The following CSMD1 variants were observed in gnomAD, a reference collection of about 807,000 sequenced individuals.
CSMD1 encodes the protein CUB and sushi domain-containing protein 1.
A neutral mutation model predicts 417.5 loss-of-function variants in CSMD1; 213 were observed. The ratio of observed to expected loss-of-function variants is 0.51; its 90% CI spans 0.46 to 0.57. The LOEUF (loss-of-function observed/expected upper bound fraction) is 0.57. Among genes scored for constraint, CSMD1 ranks in the 20% least tolerant of loss-of-function variants. CSMD1 has a pLI of 0.00. For synonymous variants in CSMD1, 2,862 were observed against 1,736.8 expected (o/e 1.65, Z -16.11); for missense variants, 6,923 against 4,529.7 (o/e 1.53, Z -15.17).
intron 12 of CSMD1, among the ~76,000 whole-genome samples, chr8:3,425,020 G>T (rs913638383): frequency 7.9e-5 from 12 of 151,950 alleles, no homozygotes; most frequent in African/African-American, 2.4e-4. Flanking sequence ...TTTTACTTTT[G>T]TAGAGACAGG....
At chr8:3,015,600 G>C (rs896346666) in intron 52 of CSMD1, among the ~76,000 whole-genome samples, 2 of 151,940 alleles carry the variant, frequency 1.3e-5, no homozygotes. Flanking sequence ...GGCGTCTTGT[G>C]AAATTATATA....
At chr8:3,291,097 C>T (rs564094979) in intron 25 of CSMD1, among the ~76,000 whole-genome samples, 16 of 152,168 alleles carry the variant, frequency 1.1e-4, no homozygotes, top group East Asian at 1.9e-4. Flanking sequence ...TGGTTTTTGT[C>T]GTTGGTTCTG....
At chr8:4,180,778 C>A (rs912814238) in intron 3 of CSMD1, among the ~76,000 whole-genome samples, 18 of 152,212 alleles carry the variant, frequency 1.2e-4, no homozygotes, top group Middle Eastern at 3.4e-3. Context: ...TTGTGTTAAT[C>A]TAATATCTGT....
chr8:4,928,609 G>T (rs941063757), intron 1 of CSMD1, among the ~76,000 whole-genome samples: 1 of 152,122 alleles, frequency 6.6e-6, no homozygotes, highest in African/African-American at 2.4e-5. Flanking sequence ...CCACAAACGC[G>T]CTGAGAAGTA....
chr8:3,139,421 G>T (rs145804586), intron 41 of CSMD1, among the ~76,000 whole-genome samples: 1 of 152,176 alleles, frequency 6.6e-6, no homozygotes, highest in Non-Finnish European at 1.5e-5. Flanking sequence ...CAAGGGAAAA[G>T]GGCGTCAAGA....
chr8:3,179,002 C>T (rs919275088), intron 37 of CSMD1, among the ~76,000 whole-genome samples: 9 of 148,324 alleles, frequency 6.1e-5, no homozygotes, highest in Middle Eastern at 3.7e-3. Flanking sequence ...GGCTGGAGTG[C>T]AGTGGCGCGA....
chr8:3,936,621 C>A (rs746836923), intron 5 of CSMD1, among the ~76,000 whole-genome samples: 9 of 152,248 alleles, frequency 5.9e-5, no homozygotes, highest in Non-Finnish European at 1.3e-4. Flanking sequence ...ACTGTTGAGA[C>A]GTACTGCTCA....
chr8:3,909,945 G>A lies in CSMD1; in HGVS notation c.818+87958C>T, dbSNP rs760106318. Among the ~76,000 whole-genome samples the A allele has an allele frequency of 2.2e-4, 34 of 152,194 alleles. No individual in the cohort carries two copies. In the Middle Eastern group the frequency reaches 0.014, roughly 61 times the overall value. Reference sequence around the variant, plus strand: ...TCTAATTAGACAAGGAAGAAAAAATGGCTTTTTGACTGATATGCAGACAAC... The same window carrying A: ...TCTAATTAGACAAGGAAGAAAAAATAGCTTTTTGACTGATATGCAGACAAC... On this transcript the variant is annotated intron_variant, in intron 5 of 69. Coordinates refer to ENST00000635120, the MANE Select transcript of CSMD1 (RefSeq NM_033225.6).
At chr8:3,907,026 G>A (rs975738717) in intron 5 of CSMD1, among the ~76,000 whole-genome samples, 3 of 152,110 alleles carry the variant, frequency 2.0e-5, no homozygotes, top group Non-Finnish European at 2.9e-5. Flanking sequence ...TCATAGATGA[G>A]AAAAATGGCT....
intron 2 of CSMD1, among the ~76,000 whole-genome samples, chr8:4,453,001 G>A (rs1467749060): frequency 1.3e-5 from 2 of 152,094 alleles, no homozygotes; most frequent in Non-Finnish European, 1.5e-5. Flanking sequence ...GTTTCCCACA[G>A]TCCTCTGAAG....
intron 12 of CSMD1, among the ~76,000 whole-genome samples, chr8:3,431,652 G>A (rs577820086): frequency 6.6e-6 from 1 of 152,068 alleles, no homozygotes; most frequent in Admixed American, 6.6e-5. Flanking sequence ...GTTTATTAAT[G>A]TTCTCCCTTC....
intron 1 of CSMD1, among the ~76,000 whole-genome samples, chr8:4,728,568 T>G (rs1386121983): frequency 2.6e-5 from 4 of 152,186 alleles, no homozygotes; most frequent in Admixed American, 2.6e-4. Context: ...CATGTCTTTA[T>G]TCAGCTCTGT....
chr8:3,510,249 C>T (rs148299381), intron 10 of CSMD1, among the ~76,000 whole-genome samples: 20 of 151,894 alleles, frequency 1.3e-4, no homozygotes, highest in African/African-American at 4.1e-4. Context: ...CTGCCTTCTG[C>T]GCCGCGTCCC....
At position 4,682,773 on chromosome 8, in the gene CSMD1, A is replaced by C. The variant is rs1408874824; in HGVS notation, c.86-45215T>G. Among the ~76,000 whole-genome samples the C allele has an allele frequency of 6.6e-5, 10 of 151,534 alleles. No individual in the cohort carries two copies. The South Asian group carries it at 2.1e-3, about 32-fold the overall frequency. ...CTTGAAAAAATAGTTTAAATCCTTC[A>C]GTAAGTATATACGAAGCAACATTAT... On this transcript the variant is annotated intron_variant, in intron 1 of 69. Transcript: ENST00000635120.
At chr8:3,161,252 A>G (rs1299418478) in intron 38 of CSMD1, among the ~76,000 whole-genome samples, 2 of 152,186 alleles carry the variant, frequency 1.3e-5, no homozygotes, top group Non-Finnish European at 2.9e-5. Context: ...AATATTAATA[A>G]TAAATAATAA....
chr8:4,255,316 G>C (rs1248607178), intron 3 of CSMD1, among the ~76,000 whole-genome samples: 5 of 152,146 alleles, frequency 3.3e-5, no homozygotes, highest in African/African-American at 1.2e-4. Context: ...TGAACTCCAG[G>C]AGGGGAGCTG....
At chr8:3,022,441 C>T (rs965033171) in intron 51 of CSMD1, among the ~76,000 whole-genome samples, 15 of 152,358 alleles carry the variant, frequency 9.8e-5, no homozygotes, top group Admixed American at 2.0e-4. Context: ...TTCTCACTGT[C>T]CCTGGGGATT....
In CSMD1 at chr8:4,310,408, A is replaced by T. The variant is rs564228643; in HGVS notation, c.415+109545T>A. Reference sequence around the variant, plus strand: ...AGCCTACATGATGCCCAGTCATTTAAACATTTTGGTATTCAACAAAGATAA... The same window carrying T: ...AGCCTACATGATGCCCAGTCATTTATACATTTTGGTATTCAACAAAGATAA... On this transcript the variant is annotated intron_variant, in intron 3 of 69. Coordinates refer to ENST00000635120, the MANE Select transcript of CSMD1 (RefSeq NM_033225.6). Among the ~76,000 whole-genome samples the T allele has an allele frequency of 2.4e-4, 37 of 152,320 alleles. 1 individual carries two copies. In the South Asian group the frequency reaches 7.5e-3, roughly 31 times the overall value.
At chr8:3,276,530 C>T (rs998760604) in intron 26 of CSMD1, among the ~76,000 whole-genome samples, 1 of 152,168 alleles carries the variant, frequency 6.6e-6, no homozygotes, top group Non-Finnish European at 1.5e-5. Flanking sequence ...ATCATGAGAA[C>T]AGCAGAAGAA....
Sources: gnomAD v4.1 joint callset for allele counts (sites outside exome capture counted in the v4.1 genomes callset) on GRCh38, gnomAD v4.1.1 for gene constraint, MANE v1.5 for transcripts, NCBI Gene and HGNC (gene_info 2026-07-23, HGNC 2026-07-21) for gene names.